The following NRG1 variants were observed in gnomAD, a reference collection of about 807,000 sequenced individuals.
The protein encoded by NRG1 is neuregulin 1.
NRG1 carries 18 observed loss-of-function variants against 63.8 expected under a neutral mutation model. The observed-to-expected ratio is 0.28, with a 90% CI of 0.19 to 0.42. The LOEUF is 0.42. Among genes scored for constraint, NRG1 ranks in the 10% least tolerant of loss-of-function variants. NRG1 has a pLI of 1.00. For synonymous variants in NRG1, 302 were observed against 301.3 expected (o/e 1.00, Z -0.02); for missense variants, 762 against 814.7 (o/e 0.94, Z 0.79).
At chr8:32,581,825 C>T (rs1380392490) in intron 1 of NRG1, among the ~76,000 whole-genome samples, 1 of 152,126 alleles carries the variant, frequency 6.6e-6, no homozygotes, top group East Asian at 1.9e-4. Flanking sequence ...CATAGCTTTG[C>T]TATATTGATC....
Position 32,370,857 on chromosome 8 carries a change from CAAAAAA to C in NRG1, c.38-224950_38-224945del, listed in dbSNP as rs570354347. ...AGGATGACAGAGTGAGACTCTGTCT[CAAAAAA>C]AAAAAAAAAAAAAAAAAAAAGACAA... On this transcript the variant is annotated intron_variant, in intron 1 of 10. Coordinates refer to the NRG1 transcript ENST00000519301. 1.2e-4 allele frequency among the ~76,000 whole-genome samples: 6 copies of C among 52,034 alleles called. No individual in the cohort carries two copies. In the East Asian group the frequency reaches 5.3e-3, roughly 46 times the overall value. 34.1% of individuals were successfully genotyped at this position (52,034 alleles called of 152,430 possible). A position where few individuals can be genotyped will look rare whatever the true frequency, so the allele number is the denominator to read the frequency against.
At chr8:32,014,152 C>T (rs1057367287) in intron 1 of NRG1, among the ~76,000 whole-genome samples, 5 of 152,114 alleles carry the variant, frequency 3.3e-5, no homozygotes, top group Admixed American at 3.3e-4. Context: ...GCAGTATGGC[C>T]ATTTTCATGA....
intron 1 of NRG1, among the ~76,000 whole-genome samples, chr8:32,183,133 C>T (rs887620739): frequency 2.0e-5 from 3 of 152,182 alleles, no homozygotes; most frequent in South Asian, 2.1e-4. Flanking sequence ...GATAAGTTTC[C>T]ATCACAGTTG....
At chr8:31,793,914 C>T (rs1820949317) in intron 1 of NRG1, among the ~76,000 whole-genome samples, 1 of 151,916 alleles carries the variant, frequency 6.6e-6, no homozygotes. Context: ...TTCTTTCTTC[C>T]CTCCTCTTTT....
At chr8:32,260,165 C>T (rs1424812152) in intron 1 of NRG1, among the ~76,000 whole-genome samples, 2 of 152,130 alleles carry the variant, frequency 1.3e-5, no homozygotes, top group Non-Finnish European at 2.9e-5. Context: ...ATTACTAAAA[C>T]AACTATATAT....
At chr8:31,982,135 C>T (rs1409915659) in intron 1 of NRG1, among the ~76,000 whole-genome samples, 1 of 151,842 alleles carries the variant, frequency 6.6e-6, no homozygotes, top group Admixed American at 6.6e-5. Context: ...CATTTGGTAC[C>T]TCATAGGCTC....
chr8:32,537,747 G>A (rs920514242), intron 1 of NRG1, among the ~76,000 whole-genome samples: 3 of 152,218 alleles, frequency 2.0e-5, no homozygotes, highest in Non-Finnish European at 4.4e-5. Context: ...TTTTACAGAT[G>A]AGGAAATAGC....
chr8:32,192,617 G>C (rs2132217005), intron 1 of NRG1, among the ~76,000 whole-genome samples: 1 of 151,994 alleles, frequency 6.6e-6, no homozygotes. Context: ...GGGTGAAAAA[G>C]CTAACTATTG....
intron 1 of NRG1, among the ~76,000 whole-genome samples, chr8:32,013,137 G>C (rs1412531205): frequency 6.6e-6 from 1 of 152,078 alleles, no homozygotes; most frequent in African/African-American, 2.4e-5. Context: ...AGTCCTGCAG[G>C]AGGACTTGCT....
chr8:31,753,000 G>C (rs1816636265), intron 1 of NRG1, among the ~76,000 whole-genome samples: 1 of 151,958 alleles, frequency 6.6e-6, no homozygotes, highest in Non-Finnish European at 1.5e-5. Flanking sequence ...GTGTCACTTT[G>C]AGCAATTTAT....
chr8:32,012,429 A>G (rs73586601), intron 1 of NRG1, among the ~76,000 whole-genome samples: 82 of 152,192 alleles, frequency 5.4e-4, no homozygotes, highest in African/African-American at 1.9e-3. Flanking sequence ...GCTGGCCATA[A>G]ATAGTTTTAG....
intron 1 of NRG1, among the ~76,000 whole-genome samples, chr8:31,730,975 T>C (rs1456254530): frequency 6.6e-6 from 1 of 152,138 alleles, no homozygotes; most frequent in Non-Finnish European, 1.5e-5. Flanking sequence ...ACATAGTTTT[T>C]TTCTTTTTGA....
chr8:32,419,162 G>A (rs911401023), intron 1 of NRG1, among the ~76,000 whole-genome samples: 9 of 152,282 alleles, frequency 5.9e-5, no homozygotes, highest in African/African-American at 7.2e-5. Flanking sequence ...ATATACAAAC[G>A]CTAAATAATG....
intron 1 of NRG1, among the ~76,000 whole-genome samples, chr8:32,244,356 T>C (rs1243851829): frequency 6.6e-6 from 1 of 152,104 alleles, no homozygotes; most frequent in Non-Finnish European, 1.5e-5. Context: ...TGAGTCTTGG[T>C]AGAAGAGAAA....
chr8:32,019,046 C>T (rs899427456), intron 1 of NRG1, among the ~76,000 whole-genome samples: 6 of 152,126 alleles, frequency 3.9e-5, no homozygotes, highest in Admixed American at 6.5e-5. Flanking sequence ...GATGTTCTTT[C>T]GATTTTTTGC....
chr8:32,656,875 C>T (rs550402436), intron 5 of NRG1, among the ~76,000 whole-genome samples: 9 of 151,840 alleles, frequency 5.9e-5, no homozygotes, highest in Non-Finnish European at 1.0e-4. Context: ...TTAAATTTTT[C>T]ATCAGAAACA....
intron 1 of NRG1, among the ~76,000 whole-genome samples, chr8:32,592,267 C>T (rs2439288): frequency 0.69 from 104,251 of 152,040 alleles, 36,418 homozygotes; most frequent in East Asian, 0.84. Flanking sequence ...GTAACCACAA[C>T]GCAGTGCTCC....
intron 1 of NRG1, among the ~76,000 whole-genome samples, chr8:31,809,637 T>C (rs1329279109): frequency 6.6e-6 from 1 of 151,188 alleles, no homozygotes; most frequent in Non-Finnish European, 1.5e-5. Context: ...TGTTTCTTTT[T>C]ATAAAATGCC....
intron 1 of NRG1, among the ~76,000 whole-genome samples, chr8:32,313,662 A>G (rs1267065991): frequency 6.6e-6 from 1 of 152,182 alleles, no homozygotes; most frequent in Non-Finnish European, 1.5e-5. Flanking sequence ...TTTTTAACAC[A>G]TATGTATATT....
Sources: gnomAD v4.1 joint callset for allele counts (sites outside exome capture counted in the v4.1 genomes callset) on GRCh38, gnomAD v4.1.1 for gene constraint, MANE v1.5 for transcripts, NCBI Gene and HGNC (gene_info 2026-07-23, HGNC 2026-07-21) for gene names.